The following CSMD1 variants were observed in gnomAD, a reference collection of about 807,000 sequenced individuals.
CSMD1 encodes the protein CUB and sushi domain-containing protein 1.
In CSMD1, 213 loss-of-function variants were observed where a neutral mutation model predicts 417.5. That is an observed-to-expected ratio of 0.51 (90% CI 0.46 to 0.57). The LOEUF (loss-of-function observed/expected upper bound fraction) is 0.57, where lower values mean the gene tolerates loss of function less well. Ranked by LOEUF, CSMD1 falls within the 20% of genes least tolerant of loss-of-function variation. The probability of loss-of-function intolerance (pLI) is 0.00; values close to 1 mark genes in which losing one functional copy is unlikely to be tolerated. For synonymous variants in CSMD1, 2,862 were observed against 1,736.8 expected (o/e 1.65, Z -16.11); for missense variants, 6,923 against 4,529.7 (o/e 1.53, Z -15.17).
rs118093303 is a variant in CSMD1 at position 4,593,342 on chromosome 8, A to G, written c.302+44000T>C. On this transcript the variant is annotated intron_variant, in intron 2 of 69. Coordinates refer to ENST00000635120, the MANE Select transcript of CSMD1 (RefSeq NM_033225.6). Reference sequence around the variant, plus strand: ...AATTAAATACTTCTGCAGCATGGCTAAATCCTTGTTATTGTCATGATAAAA... The same window carrying G: ...AATTAAATACTTCTGCAGCATGGCTGAATCCTTGTTATTGTCATGATAAAA... Among the ~76,000 whole-genome samples, 375 of 152,336 alleles carry G rather than the reference A, an allele frequency of 2.5e-3. 1 individual carries two copies. The highest frequency in any genetic ancestry group is 4.1e-3 in the Non-Finnish European group (280 of 68,030).
intron 1 of CSMD1, among the ~76,000 whole-genome samples, chr8:4,829,773 T>C (rs6558919): frequency 0.96 from 145,180 of 150,560 alleles, 70,236 homozygotes; most frequent in East Asian, 1. Context: ...CACATTTATG[T>C]AGCTGTTTCA....
intron 8 of CSMD1, among the ~76,000 whole-genome samples, chr8:3,614,624 G>C (rs1184226097): frequency 6.6e-6 from 1 of 152,152 alleles, no homozygotes; most frequent in Admixed American, 6.5e-5. Context: ...TCTCAGATAT[G>C]AGTTAATTTG....
intron 3 of CSMD1, among the ~76,000 whole-genome samples, chr8:4,148,945 T>C (rs1482410950): frequency 6.7e-6 from 1 of 148,534 alleles, no homozygotes; most frequent in Non-Finnish European, 1.5e-5. Flanking sequence ...ACTTCACCTG[T>C]AATTAAACAT....
chr8:4,311,046 T>C (rs1451964595), intron 3 of CSMD1, among the ~76,000 whole-genome samples: 6 of 152,294 alleles, frequency 3.9e-5, no homozygotes, highest in African/African-American at 1.4e-4. Context: ...TATACACCAC[T>C]GGTGGGAGTG....
At chr8:4,888,031 C>T (rs1803868179) in intron 1 of CSMD1, among the ~76,000 whole-genome samples, 1 of 151,678 alleles carries the variant, frequency 6.6e-6, no homozygotes, top group Admixed American at 6.6e-5. Context: ...CTTTTTTGAC[C>T]CATATATGCC....
chr8:3,972,756 A>C (rs140250705), intron 5 of CSMD1, among the ~76,000 whole-genome samples: 1 of 152,344 alleles, frequency 6.6e-6, no homozygotes, highest in East Asian at 1.9e-4. Context: ...AAAGCATTAA[A>C]AATGTATATA....
At chr8:3,755,133 A>G (rs535250743) in intron 5 of CSMD1, among the ~76,000 whole-genome samples, 1 of 152,198 alleles carries the variant, frequency 6.6e-6, no homozygotes, top group Non-Finnish European at 1.5e-5. Context: ...CAAGATATTA[A>G]AGCTCCTGCC....
chr8:4,433,370 A>G (rs1173063792), intron 2 of CSMD1, among the ~76,000 whole-genome samples: 1 of 152,138 alleles, frequency 6.6e-6, no homozygotes, highest in African/African-American at 2.4e-5. Context: ...TCATAATATC[A>G]TGGACATGAC....
chr8:4,091,986 GC>G (rs1800746779), intron 3 of CSMD1, among the ~76,000 whole-genome samples: 1 of 152,082 alleles, frequency 6.6e-6, no homozygotes, highest in Non-Finnish European at 1.5e-5. Flanking sequence ...CATTTTATGC[GC>G]CTAAAAAGTG....
intron 1 of CSMD1, among the ~76,000 whole-genome samples, chr8:4,877,566 T>G (rs1424762106): frequency 6.6e-6 from 1 of 152,072 alleles, no homozygotes; most frequent in Non-Finnish European, 1.5e-5. Context: ...GTTCAGCCAG[T>G]TACCCATGCC....
At chr8:4,427,838 CTTT>C (rs970465285) in intron 2 of CSMD1, among the ~76,000 whole-genome samples, 3 of 152,084 alleles carry the variant, frequency 2.0e-5, no homozygotes, top group African/African-American at 7.2e-5. Flanking sequence ...TTGAATAATT[CTTT>C]TTCTTAAAAC....
intron 26 of CSMD1, among the ~76,000 whole-genome samples, chr8:3,237,121 T>C (rs1799199444): frequency 6.6e-6 from 1 of 151,830 alleles, no homozygotes; most frequent in Non-Finnish European, 1.5e-5. Context: ...AACTGGACGC[T>C]GCAATAACGC....
At chr8:4,194,613 G>C (rs975073586) in intron 3 of CSMD1, among the ~76,000 whole-genome samples, 1 of 151,428 alleles carries the variant, frequency 6.6e-6, no homozygotes, top group African/African-American at 2.4e-5. Flanking sequence ...TTTGCTAACA[G>C]AGTAATCATA....
intron 23 of CSMD1, among the ~76,000 whole-genome samples, chr8:3,329,113 C>T (rs1312646653): frequency 2.0e-5 from 3 of 151,944 alleles, no homozygotes; most frequent in Non-Finnish European, 4.4e-5. Context: ...CAGATGTTGG[C>T]ATAGAATGGA....
chr8:3,846,117 A>G (rs1174107807), intron 5 of CSMD1, among the ~76,000 whole-genome samples: 2 of 152,214 alleles, frequency 1.3e-5, no homozygotes, highest in Non-Finnish European at 2.9e-5. Flanking sequence ...TAGTAATTAT[A>G]TAAACCAGTA....
intron 26 of CSMD1, among the ~76,000 whole-genome samples, chr8:3,250,621 G>A (rs1479552321): frequency 6.6e-6 from 1 of 152,208 alleles, no homozygotes; most frequent in East Asian, 1.9e-4. Flanking sequence ...CTAGGTCCCT[G>A]AGGAATCGCC....
intron 5 of CSMD1, among the ~76,000 whole-genome samples, chr8:3,799,301 G>C (rs920987547): frequency 2.6e-5 from 4 of 151,140 alleles, no homozygotes; most frequent in South Asian, 2.1e-4. Flanking sequence ...CAATGTGCAG[G>C]TTTGTTACAT....
intron 5 of CSMD1, among the ~76,000 whole-genome samples, chr8:3,935,009 C>G (rs1201162417): frequency 6.6e-6 from 1 of 152,270 alleles, no homozygotes; most frequent in East Asian, 1.9e-4. Context: ...TAATCAAGTG[C>G]ATGGAGTATC....
intron 3 of CSMD1, among the ~76,000 whole-genome samples, chr8:4,404,276 C>T (rs1384403412): frequency 2.0e-5 from 3 of 152,006 alleles, no homozygotes; most frequent in East Asian, 1.9e-4. Flanking sequence ...TCATCTATCA[C>T]CTTATGATAT....
Sources: gnomAD v4.1 joint callset for allele counts (sites outside exome capture counted in the v4.1 genomes callset) on GRCh38, gnomAD v4.1.1 for gene constraint, MANE v1.5 for transcripts, NCBI Gene and HGNC (gene_info 2026-07-23, HGNC 2026-07-21) for gene names.